The following NAV1 variants were observed in gnomAD, a reference collection of about 807,000 sequenced individuals.
The protein encoded by NAV1 is neuron navigator 1.
In NAV1, 18 loss-of-function variants were observed where a neutral mutation model predicts 175.2. The observed-to-expected ratio is 0.10, with a 90% CI of 0.07 to 0.15. NAV1 has a LOEUF of 0.15. NAV1 is among the 10% of genes least tolerant of loss of function. NAV1 has a pLI of 1.00. For synonymous variants in NAV1, 897 were observed against 978.7 expected, an observed-to-expected ratio of 0.92 and a Z score of 1.56; for missense variants, 1,731 against 2,436.6, an observed-to-expected ratio of 0.71 and a Z score of 6.10.
chr1:201,794,859 G>A (rs1166633085), intron 15 of NAV1: 6 of 371,946 alleles, frequency 1.6e-5, no homozygotes, highest in East Asian at 5.0e-5. Flanking sequence ...AAAGACCATC[G>A]TTAAAATAGC....
intron 1 of NAV1, among the ~76,000 whole-genome samples, chr1:201,584,632 C>T (rs1293228003): frequency 3.9e-5 from 6 of 152,170 alleles, no homozygotes; most frequent in African/African-American, 9.7e-5. Context: ...CAGCAGAGCC[C>T]ACGGCAGCCT....
intron 3 of NAV1, among the ~76,000 whole-genome samples, chr1:201,751,393 C>T (rs1674097843): frequency 2.6e-5 from 4 of 152,178 alleles, no homozygotes; most frequent in Admixed American, 2.0e-4. Flanking sequence ...TGTTCCACGG[C>T]TGAGGGCAAA....
At chr1:201,655,369 C>T (rs545305858) in intron 1 of NAV1, among the ~76,000 whole-genome samples, 1 of 152,354 alleles carries the variant, frequency 6.6e-6, no homozygotes, top group African/African-American at 2.4e-5. Flanking sequence ...GCTGACCTCC[C>T]CCCACACCCT....
intron 3 of NAV1, among the ~76,000 whole-genome samples, chr1:201,735,374 C>T (rs1014413644): frequency 2.6e-5 from 4 of 152,196 alleles, no homozygotes; most frequent in African/African-American, 7.2e-5. Context: ...TTGGCTCAAA[C>T]GTTCTGGATT....
At chr1:201,624,464 C>T (rs1291684097) in intron 1 of NAV1, among the ~76,000 whole-genome samples, 1 of 151,294 alleles carries the variant, frequency 6.6e-6, no homozygotes, top group Non-Finnish European at 1.5e-5. Context: ...CTGCCTCAGC[C>T]TCCCAAGTAG....
Position 201,718,552 on chromosome 1 carries a change from G to T in NAV1, c.1023G>T (p.Gly341=). 2 of 1,613,626 alleles carry T rather than the reference G, an allele frequency of 1.2e-6. No homozygotes were observed. Among genetic ancestry groups the T allele is most frequent in the Non-Finnish European group, 8.5e-7 (1 of 1,179,808 alleles). Residue 341 remains glycine, a synonymous_variant, in exon 3 of 30, where the codon GGG becomes GGT. Transcript: ENST00000367296. This position sits in a 1 kb window ranked among gnomAD's most constrained non-coding sequence, Gnocchi z 4.8. ...TGGGTGGGAGCTGCCGCTCGGAGGG[G>T]ACGCCCGCCTGGTACATGCACGGCG...
intron 3 of NAV1, among the ~76,000 whole-genome samples, chr1:201,749,713 A>T (rs539785063): frequency 1.8e-4 from 27 of 152,362 alleles, no homozygotes; most frequent in African/African-American, 6.3e-4. Flanking sequence ...CCTGGGCAAC[A>T]TGGCAAGACC....
intron 1 of NAV1, among the ~76,000 whole-genome samples, chr1:201,568,822 C>T (rs983426055): frequency 7.2e-5 from 11 of 152,214 alleles, no homozygotes; most frequent in Admixed American, 6.5e-5. Flanking sequence ...ACTCCCTCTT[C>T]TTTCCCAGGG....
chr1:201,717,499 G>A (rs1038413366), intron 2 of NAV1, among the ~76,000 whole-genome samples: 5 of 152,134 alleles, frequency 3.3e-5, no homozygotes, highest in East Asian at 1.9e-4. Flanking sequence ...TCTGCAGCCC[G>A]CCTGGCCCTA....
intron 3 of NAV1, among the ~76,000 whole-genome samples, chr1:201,766,743 C>CA (rs1240758444): frequency 6.6e-6 from 1 of 152,188 alleles, no homozygotes; most frequent in Non-Finnish European, 1.5e-5. Context: ...TTAAAGCGGA[C>CA]ATTTCATTGA....
intron 1 of NAV1, among the ~76,000 whole-genome samples, chr1:201,575,796 A>G (rs1014225591): frequency 2.0e-5 from 3 of 152,168 alleles, no homozygotes; most frequent in Non-Finnish European, 4.4e-5. Flanking sequence ...TTATGAAGAG[A>G]GAGAGACTGT....
intron 3 of NAV1, among the ~76,000 whole-genome samples, chr1:201,775,360 C>T (rs572948172): frequency 6.6e-6 from 1 of 152,344 alleles, no homozygotes; most frequent in African/African-American, 2.4e-5. Context: ...TTACATGCTG[C>T]AGGCTGGAGT....
rs386369321 is a variant in NAV1, at chr1:201,701,009, CAAAAA to C, written c.758-11789_758-11785del. Among the ~76,000 whole-genome samples, 410 of 52,752 alleles carry C rather than the reference CAAAAA, an allele frequency of 7.8e-3. 4 individuals are homozygous for C. The highest frequency in any genetic ancestry group is 0.033 in the African/African-American group (372 of 11,408). 34.6% of individuals were successfully genotyped at this position (52,752 alleles called of 152,430 possible). A position where few individuals can be genotyped will look rare whatever the true frequency, so the allele number is the denominator to read the frequency against. ...CTGGGGACAGAGTGAGACTCTGTCTCAAAAAAAAAAAAAAAAAAAAAAAGAAAGAA... is the reference window on the plus strand; with the variant it reads ...CTGGGGACAGAGTGAGACTCTGTCTCAAAAAAAAAAAAAAAAAAGAAAGAA... On this transcript the variant is annotated intron_variant, in intron 1 of 29. Transcript: ENST00000367296.
chr1:201,783,084 C>G (rs1676441329), intron 6 of NAV1, among the ~76,000 whole-genome samples: 1 of 152,176 alleles, frequency 6.6e-6, no homozygotes, highest in Non-Finnish European at 1.5e-5. Context: ...AAACTTACCT[C>G]ATTTGTACTA....
At position 201,808,671 on chromosome 1, in the gene NAV1, C is replaced by G. The variant is rs201931413; in HGVS notation, c.4039-32C>G. 8.7e-6 allele frequency: 14 copies of G among 1,614,242 alleles called. No individual in the cohort carries two copies. The highest frequency in any genetic ancestry group is 1.1e-5 in the Non-Finnish European group (13 of 1,180,048). On this transcript the variant is annotated intron_variant, in intron 19 of 29. Coordinates refer to ENST00000367296, the Ensembl canonical transcript of NAV1. The surrounding 1 kb of genome is among the most constrained non-coding windows in gnomAD (Gnocchi z 5.5). ...GACCAAGGCTTGCTGTCTGTCCAGT[C>G]TGCCACCCTACCCTGTCTGTTCTTG...
At chr1:201,774,378 C>T (rs927906584) in intron 3 of NAV1, among the ~76,000 whole-genome samples, 1 of 152,162 alleles carries the variant, frequency 6.6e-6, no homozygotes, top group South Asian at 2.1e-4. Context: ...GACTGATGAA[C>T]TGTAAAATTT....
chr1:201,694,507 A>C lies in NAV1; in HGVS notation c.758-18310A>C, dbSNP rs1671104014. Among the ~76,000 whole-genome samples, 1 of 152,014 alleles carries C rather than the reference A, an allele frequency of 6.6e-6. No homozygotes were observed. Among genetic ancestry groups the C allele is most frequent in the African/African-American group, 2.4e-5 (1 of 41,384 alleles). ...CTTCTTGCCCTGAGTTAGGCTGGGGATCATTTGCAGGGAGAATGCAGCCAG... is the reference window on the plus strand; with the variant it reads ...CTTCTTGCCCTGAGTTAGGCTGGGGCTCATTTGCAGGGAGAATGCAGCCAG... On this transcript the variant is annotated intron_variant, in intron 1 of 29. Transcript: ENST00000367296. This position sits in a 1 kb window ranked among gnomAD's most constrained non-coding sequence, Gnocchi z 4.2.
At position 201,643,056 on chromosome 1, in the gene NAV1, G is replaced by T. The variant is rs571259807; in HGVS notation, c.5-5578G>T. On this transcript the variant is annotated intron_variant, in intron 2 of 29. Coordinates refer to the NAV1 transcript ENST00000367302. Reference sequence around the variant, plus strand: ...CCCAAAGTGCTGGGATTACAGGTGTGAGCCACCGTGCCTGGCCTCTTTCTC... The same window carrying T: ...CCCAAAGTGCTGGGATTACAGGTGTTAGCCACCGTGCCTGGCCTCTTTCTC... 3.3e-5 allele frequency among the ~76,000 whole-genome samples: 5 copies of T among 151,834 alleles called. No individual in the cohort carries two copies. In the South Asian group the frequency reaches 8.3e-4, roughly 25 times the overall value.
intron 2 of NAV1, among the ~76,000 whole-genome samples, chr1:201,604,700 A>AGAAAGAAAGAGAAAG (rs1236558419): frequency 0.014 from 2,109 of 149,810 alleles, 60 homozygotes; most frequent in African/African-American, 0.05. Context: ...AAAAAGAAGA[A>AGAAAGAAAGAGAAAG]GAAAGAAAGA....
Sources: gnomAD v4.1 joint callset for allele counts (sites outside exome capture counted in the v4.1 genomes callset) on GRCh38, gnomAD v4.1.1 for gene constraint, Gnocchi (gnomAD v3.1) non-coding constraint, MANE v1.5 for transcripts, NCBI Gene and HGNC (gene_info 2026-07-23, HGNC 2026-07-21) for gene names.